Variants in ZMAT4 observed in about 807,000 individuals in gnomAD.
The protein encoded by ZMAT4 is zinc finger matrin-type 4, also known as zinc finger matrin-type protein 4.
Under a neutral mutation model 28.7 loss-of-function variants are expected in ZMAT4, and 17 were observed. The observed-to-expected ratio is 0.59, with a 90% CI of 0.41 to 0.89. The LOEUF is 0.89. Ranked by LOEUF, ZMAT4 falls within the 40% of genes least tolerant of loss-of-function variation. The probability of loss-of-function intolerance (pLI) is 0.00; values close to 1 mark genes in which losing one functional copy is unlikely to be tolerated. For synonymous variants in ZMAT4, 117 were observed against 109.2 expected (o/e 1.07, Z -0.44); for missense variants, 240 against 283.8 (o/e 0.85, Z 1.11).
chr8:40,667,848 A>T (rs201612915), intron 5 of ZMAT4, among the ~76,000 whole-genome samples: 2 of 138,182 alleles, frequency 1.4e-5, no homozygotes, highest in Admixed American at 7.2e-5. Flanking sequence ...AAAAAAAAAA[A>T]CAACAAAAAA....
intron 5 of ZMAT4, among the ~76,000 whole-genome samples, chr8:40,587,655 T>G (rs571381642): frequency 5.9e-4 from 90 of 151,666 alleles, no homozygotes; most frequent in Non-Finnish European, 9.0e-4. Flanking sequence ...AATGGAATAA[T>G]AAAAAGTATT....
intron 6 of ZMAT4, among the ~76,000 whole-genome samples, chr8:40,539,630 G>T (rs965402862): frequency 3.9e-5 from 6 of 152,182 alleles, no homozygotes; most frequent in African/African-American, 1.4e-4. Context: ...TCCTAGGAAT[G>T]TCATGAAGAT....
intron 4 of ZMAT4, among the ~76,000 whole-genome samples, chr8:40,693,673 C>A (rs938019854): frequency 3.3e-5 from 5 of 152,232 alleles, no homozygotes; most frequent in Admixed American, 1.3e-4. Context: ...TATAACAACT[C>A]ACTTCTGCCA....
At chr8:40,893,467 G>A (rs982527352) in intron 1 of ZMAT4, among the ~76,000 whole-genome samples, 9 of 152,306 alleles carry the variant, frequency 5.9e-5, no homozygotes, top group African/African-American at 1.9e-4. Flanking sequence ...TAGCTCAAGT[G>A]CCAGAGCCCA....
chr8:40,760,948 C>T (rs1366757911), intron 3 of ZMAT4, among the ~76,000 whole-genome samples: 2 of 152,018 alleles, frequency 1.3e-5, no homozygotes, highest in Admixed American at 1.3e-4. Flanking sequence ...ATTTGTGTTA[C>T]CTACATTATA....
At chr8:40,713,921 C>CAAAAAAAAAAAAAAAAAAAAA (rs532317102) in intron 3 of ZMAT4, among the ~76,000 whole-genome samples, 9 of 49,868 alleles carry the variant, frequency 1.8e-4, no homozygotes, top group Non-Finnish European at 2.6e-4. Flanking sequence ...AAAACAAAAC[C>CAAAAAAAAAAAAAAAAAAAAA]AAAAAAAAAA....
intron 5 of ZMAT4, among the ~76,000 whole-genome samples, chr8:40,661,670 G>T (rs570749933): frequency 3.1e-4 from 47 of 152,304 alleles, no homozygotes; most frequent in African/African-American, 1.1e-3. Context: ...TCCTGATTTT[G>T]CATCTTTTCA....
chr8:40,716,055 C>G (rs1191638075), intron 3 of ZMAT4, among the ~76,000 whole-genome samples: 1 of 152,214 alleles, frequency 6.6e-6, no homozygotes, highest in East Asian at 1.9e-4. Flanking sequence ...CCACTGCTAT[C>G]TTTATCACTC....
At chr8:40,760,774 TTCTC>T (rs148721827) in intron 3 of ZMAT4, among the ~76,000 whole-genome samples, 3 of 141,474 alleles carry the variant, frequency 2.1e-5, no homozygotes, top group East Asian at 2.1e-4. Flanking sequence ...CTCTCTCTCT[TTCTC>T]TCTCTCTCTC....
At chr8:40,608,136 C>A (rs1377026018) in intron 5 of ZMAT4, among the ~76,000 whole-genome samples, 1 of 152,046 alleles carries the variant, frequency 6.6e-6, no homozygotes, top group Non-Finnish European at 1.5e-5. Flanking sequence ...CCATGAAGTT[C>A]CCAAGAGATT....
At chr8:40,845,545 T>C (rs184313999) in intron 1 of ZMAT4, among the ~76,000 whole-genome samples, 119 of 151,916 alleles carry the variant, frequency 7.8e-4, no homozygotes, top group African/African-American at 2.9e-3. Context: ...ATAGGCAGAT[T>C]ATAGCAGCCT....
intron 4 of ZMAT4, among the ~76,000 whole-genome samples, chr8:40,692,292 G>T (rs891457069): frequency 2.0e-5 from 3 of 152,024 alleles, no homozygotes; most frequent in African/African-American, 7.2e-5. Flanking sequence ...ATGAAAGAAA[G>T]GTTATTGCTA....
intron 1 of ZMAT4, among the ~76,000 whole-genome samples, chr8:40,894,399 T>C (rs1035734777): frequency 6.6e-6 from 1 of 151,786 alleles, no homozygotes; most frequent in Non-Finnish European, 1.5e-5. Flanking sequence ...ACATCTACAA[T>C]TAGATCTCCA....
At chr8:40,848,151 C>T (rs1816975518) in intron 1 of ZMAT4, among the ~76,000 whole-genome samples, 1 of 152,142 alleles carries the variant, frequency 6.6e-6, no homozygotes, top group Non-Finnish European at 1.5e-5. Context: ...GAAAACGAAA[C>T]CCAACAGCCT....
chr8:40,628,893 CA>C (rs1806470050), intron 5 of ZMAT4, among the ~76,000 whole-genome samples: 1 of 152,044 alleles, frequency 6.6e-6, no homozygotes, highest in African/African-American at 2.4e-5. Flanking sequence ...AATCTAACTA[CA>C]TAGATGTAAA....
intron 6 of ZMAT4, among the ~76,000 whole-genome samples, chr8:40,548,905 T>C (rs1372795225): frequency 3.3e-5 from 5 of 152,156 alleles, no homozygotes; most frequent in African/African-American, 1.2e-4. Flanking sequence ...TCAAAGGAGA[T>C]GCCAAGATTC....
rs1375079565 is a variant in ZMAT4, at chr8:40,648,956, G to A, written c.577+25748C>T. Among the ~76,000 whole-genome samples, 5 of 142,214 alleles carry A rather than the reference G, an allele frequency of 3.5e-5. No individual in the cohort carries two copies. The East Asian group carries it at 1.0e-3, about 30-fold the overall frequency. The allele number at this position is 142,214 out of a possible 152,430, so 93.3% of individuals were successfully genotyped here. On this transcript the variant is annotated intron_variant, in intron 5 of 6. Transcript: ENST00000297737. ...ATATGGAAAGGAACAACCGGTACCA[G>A]CTGCTGCAAAATCATGCCAAAATGT...
intron 2 of ZMAT4, among the ~76,000 whole-genome samples, chr8:40,778,707 T>G (rs1412033217): frequency 6.6e-6 from 1 of 152,240 alleles, no homozygotes; most frequent in East Asian, 1.9e-4. Flanking sequence ...TGCTGCCAGC[T>G]GCAATTCCAT....
At chr8:40,700,406 CTTTTCTTTTTTTTTTT>C (rs1810088198) in intron 3 of ZMAT4, among the ~76,000 whole-genome samples, 1 of 60,770 alleles carries the variant, frequency 1.6e-5, no homozygotes, top group South Asian at 7.1e-4. Context: ...GAAGCTGCTG[CTTTTCTTTTTTTTTTT>C]TTTTTTTTTT....
Sources: allele counts gnomAD v4.1 joint callset (sites outside exome capture counted in the v4.1 genomes callset), GRCh38; gene constraint gnomAD v4.1.1; transcripts MANE v1.5; gene names NCBI Gene and HGNC (gene_info 2026-07-23, HGNC 2026-07-21).